Variants in EYS observed in about 807,000 individuals in gnomAD.
The protein encoded by EYS is EGF-like photoreceptor maintenance factor.
A neutral mutation model predicts 282.1 loss-of-function variants in EYS; 250 were observed. The observed-to-expected ratio is 0.89, with a 90% CI of 0.80 to 0.98. EYS has a LOEUF of 0.98. EYS is among the 50% of genes least tolerant of loss of function. The pLI, the probability that EYS is intolerant of heterozygous loss-of-function variation, is 0.00. For synonymous variants in EYS, 1,355 were observed against 1,282.9 expected (o/e 1.06, Z -1.20); for missense variants, 4,016 against 3,709.0 (o/e 1.08, Z -2.15).
intron 12 of EYS, among the ~76,000 whole-genome samples, chr6:65,197,688 G>A (rs1765803308): frequency 6.6e-6 from 1 of 152,080 alleles, no homozygotes; most frequent in Admixed American, 6.6e-5. Flanking sequence ...GTAGGTTACT[G>A]TACTGAAAAC....
chr6:64,689,232 G>A (rs1562135850), intron 22 of EYS, among the ~76,000 whole-genome samples: 1 of 152,098 alleles, frequency 6.6e-6, no homozygotes. Context: ...TTGCTTCAAA[G>A]AGAATAAAAT....
intron 1 of EYS, among the ~76,000 whole-genome samples, chr6:65,647,575 A>G (rs1767495696): frequency 6.6e-6 from 1 of 152,202 alleles, no homozygotes; most frequent in African/African-American, 2.4e-5. Context: ...AGAATATAAC[A>G]TCAGAAAAAC....
At chr6:64,544,030 A>G (rs1368851181) in intron 26 of EYS, among the ~76,000 whole-genome samples, 3 of 152,222 alleles carry the variant, frequency 2.0e-5, no homozygotes, top group African/African-American at 2.4e-5. Flanking sequence ...TGTATAAAAC[A>G]TATTTCTTAG....
chr6:65,327,218 A>G (rs1239542414), intron 11 of EYS, among the ~76,000 whole-genome samples: 1 of 151,590 alleles, frequency 6.6e-6, no homozygotes, highest in Admixed American at 6.6e-5. Context: ...CCTTGTTCTC[A>G]ATTAAGATCT....
rs528957336 is a variant in EYS at position 64,393,235 on chromosome 6, C to T, written c.5928-4395G>A. On this transcript the variant is annotated intron_variant, in intron 28 of 42. Coordinates refer to ENST00000503581, the MANE Select transcript of EYS (RefSeq NM_001142800.2). The stretch of plus-strand genomic sequence containing the variant: ...GAACTGGTACCATTCCTTCTGAAAC[C>T]ATTCCAATCAATAGAAAAAGAGGGA... 1.2e-4 allele frequency among the ~76,000 whole-genome samples: 19 copies of T among 152,168 alleles called. No homozygotes were observed. The South Asian group carries it at 3.3e-3, about 27-fold the overall frequency.
intron 30 of EYS, among the ~76,000 whole-genome samples, chr6:64,283,223 T>G (rs1768373758): frequency 1.3e-5 from 2 of 152,188 alleles, no homozygotes; most frequent in Non-Finnish European, 1.5e-5. Flanking sequence ...CATATTTTTT[T>G]AAAGCACCAC....
intron 2 of EYS, among the ~76,000 whole-genome samples, chr6:65,542,583 G>C (rs760067645): frequency 6.6e-6 from 1 of 151,038 alleles, no homozygotes; most frequent in Non-Finnish European, 1.5e-5. Flanking sequence ...TAGAATATTT[G>C]GTCTTGACAG....
intron 35 of EYS, among the ~76,000 whole-genome samples, chr6:63,869,357 C>T (rs114240719): frequency 2.6e-3 from 395 of 152,162 alleles, no homozygotes; most frequent in Non-Finnish European, 3.0e-3. Context: ...CTTCTCTCTT[C>T]CCTCTTCCTT....
rs574732068 is a variant in EYS at position 65,110,684 on chromosome 6, G to C, written c.2024-52957C>G. On this transcript the variant is annotated intron_variant, in intron 12 of 42. Coordinates refer to ENST00000503581, the MANE Select transcript of EYS (RefSeq NM_001142800.2). The stretch of plus-strand genomic sequence containing the variant: ...ATTAAAGTACATATTTTAAAAATGT[G>C]TATCTTTTTTTCAAAATAAATGTTT... Among the ~76,000 whole-genome samples the C allele has an allele frequency of 2.0e-5, 3 of 151,750 alleles. No individual in the cohort carries two copies. In the East Asian group the frequency reaches 5.8e-4, roughly 30 times the overall value.
chr6:64,342,227 T>A (rs184022659), intron 29 of EYS, among the ~76,000 whole-genome samples: 1 of 151,714 alleles, frequency 6.6e-6, no homozygotes, highest in Admixed American at 6.6e-5. Flanking sequence ...ATTCCAATGT[T>A]TTAAAAATAT....
At chr6:65,320,244 G>A (rs1257837937) in intron 11 of EYS, among the ~76,000 whole-genome samples, 3 of 151,142 alleles carry the variant, frequency 2.0e-5, no homozygotes, top group Non-Finnish European at 4.4e-5. Flanking sequence ...GTCAGCCAAT[G>A]AGAGATTCCA....
intron 26 of EYS, among the ~76,000 whole-genome samples, chr6:64,546,385 G>C (rs1473471145): frequency 1.3e-5 from 2 of 152,184 alleles, no homozygotes; most frequent in Non-Finnish European, 2.9e-5. Flanking sequence ...GTGGATTAAA[G>C]ACTTAAATGT....
intron 22 of EYS, among the ~76,000 whole-genome samples, chr6:64,705,415 C>G (rs548489523): frequency 1.5e-3 from 226 of 152,086 alleles, no homozygotes; most frequent in African/African-American, 4.9e-3. Context: ...AAGCAATCTA[C>G]AAAATCAATG....
At chr6:65,220,206 A>G in intron 12 of EYS, among the ~76,000 whole-genome samples, 1 of 151,972 alleles carries the variant, frequency 6.6e-6, no homozygotes, top group Non-Finnish European at 1.5e-5. Context: ...AATGACTGTG[A>G]TTTTATTTTT....
intron 33 of EYS, among the ~76,000 whole-genome samples, chr6:64,059,804 C>T (rs1442953805): frequency 6.6e-6 from 1 of 152,110 alleles, no homozygotes; most frequent in Non-Finnish European, 1.5e-5. Flanking sequence ...ATGCTATGTA[C>T]AGACAGGCTA....
intron 22 of EYS, among the ~76,000 whole-genome samples, chr6:64,791,598 G>A (rs1218782159): frequency 1.3e-5 from 2 of 151,776 alleles, no homozygotes; most frequent in East Asian, 1.9e-4. Context: ...CTTAGAAAAA[G>A]GCAGCATACA....
At chr6:65,468,498 T>TTAGTTAGTTAGTTAGTTATTTAG (rs1765089360) in intron 5 of EYS, among the ~76,000 whole-genome samples, 1 of 152,006 alleles carries the variant, frequency 6.6e-6, no homozygotes, top group Non-Finnish European at 1.5e-5. Context: ...TATTTATTTA[T>TTAGTTAGTTAGTTAGTTATTTAG]TTAGTTAGTT....
At chr6:65,081,460 T>C (rs547577715) in intron 12 of EYS, among the ~76,000 whole-genome samples, 75 of 152,204 alleles carry the variant, frequency 4.9e-4, no homozygotes, top group African/African-American at 1.7e-3. Flanking sequence ...TTACAACAAA[T>C]ACTTTGCTCT....
chr6:63,915,353 C>A (rs894154821), intron 35 of EYS, among the ~76,000 whole-genome samples: 4 of 152,148 alleles, frequency 2.6e-5, no homozygotes, highest in Admixed American at 2.6e-4. Context: ...TTTAAGCTTA[C>A]TGTTGAGACC....
Sources: gnomAD v4.1 joint callset for allele counts (sites outside exome capture counted in the v4.1 genomes callset) on GRCh38, gnomAD v4.1.1 for gene constraint, MANE v1.5 for transcripts, NCBI Gene and HGNC (gene_info 2026-07-23, HGNC 2026-07-21) for gene names.